Variants in PACRG observed in about 807,000 individuals in gnomAD.
The protein encoded by PACRG is parkin coregulated gene protein.
A neutral mutation model predicts 29.7 loss-of-function variants in PACRG; 29 were observed. The observed-to-expected ratio is 0.98, with a 90% CI of 0.73 to 1.33. The LOEUF is 1.33. PACRG is among the 40% of genes most tolerant of loss of function. The pLI is 0.00. For synonymous variants in PACRG, 116 were observed against 118.7 expected (o/e 0.98, Z 0.15); for missense variants, 279 against 316.2 (o/e 0.88, Z 0.89).
intron 2 of PACRG, among the ~76,000 whole-genome samples, chr6:163,024,853 G>A (rs375662621): frequency 1.8e-4 from 28 of 151,954 alleles, no homozygotes; most frequent in African/African-American, 6.3e-4. Flanking sequence ...TGAATCCAGC[G>A]GCACATCAAA....
intron 4 of PACRG, among the ~76,000 whole-genome samples, chr6:163,259,937 G>T: frequency 6.6e-6 from 1 of 152,176 alleles, no homozygotes. Flanking sequence ...AGCTGCTTCA[G>T]GCTAAGGTCC....
At chr6:163,142,220 A>AT (rs1460510229) in intron 4 of PACRG, among the ~76,000 whole-genome samples, 1 of 152,216 alleles carries the variant, frequency 6.6e-6, no homozygotes, top group Non-Finnish European at 1.5e-5. Context: ...GCAAACATTC[A>AT]TGAAATAGAT....
chr6:163,014,152 C>T (rs1805868103), intron 2 of PACRG, among the ~76,000 whole-genome samples: 2 of 152,090 alleles, frequency 1.3e-5, no homozygotes. Context: ...TAGTGGTCTC[C>T]AGCTGCATAG....
At chr6:162,768,435 T>C (rs1782966265) in intron 1 of PACRG, among the ~76,000 whole-genome samples, 1 of 152,122 alleles carries the variant, frequency 6.6e-6, no homozygotes, top group South Asian at 2.1e-4. Flanking sequence ...GGCATTGATT[T>C]CACTTATTGT....
intron 4 of PACRG, chr6:163,192,031 C>G: frequency 3.9e-6 from 1 of 255,430 alleles, no homozygotes; most frequent in Non-Finnish European, 7.8e-6. Flanking sequence ...CTGAATCACA[C>G]AAAGGATGTC....
chr6:163,248,069 T>C (rs1360388426), intron 4 of PACRG, among the ~76,000 whole-genome samples: 1 of 152,074 alleles, frequency 6.6e-6, no homozygotes, highest in East Asian at 1.9e-4. Flanking sequence ...TCCAAGAAAA[T>C]GCTACCTCCA....
At chr6:163,045,839 C>T (rs1001730000) in intron 2 of PACRG, among the ~76,000 whole-genome samples, 1 of 151,722 alleles carries the variant, frequency 6.6e-6, no homozygotes, top group African/African-American at 2.4e-5. Context: ...TGGTCTCGAT[C>T]TCTTGACCTC....
intron 3 of PACRG, among the ~76,000 whole-genome samples, chr6:163,088,304 A>C (rs1216920481): frequency 6.6e-6 from 1 of 152,166 alleles, no homozygotes; most frequent in Non-Finnish European, 1.5e-5. Context: ...AGAGCCTTTG[A>C]CTTCTTCTTG....
rs565572018 is a variant in PACRG, at chr6:162,868,649, G to C, written c.291+54368G>C. On this transcript the variant is annotated intron_variant, in intron 2 of 4. Transcript: ENST00000366888. ...TCACAGCCTAGGGCGCACCCGAGCC[G>C]CCAGAGCACAGCCTCCTTTCCGGCT... 4.6e-5 allele frequency among the ~76,000 whole-genome samples: 7 copies of C among 152,182 alleles called. No individual in the cohort carries two copies. In the South Asian group the frequency reaches 1.0e-3, roughly 23 times the overall value.
intron 4 of PACRG, among the ~76,000 whole-genome samples, chr6:163,177,710 A>AGTTTTTTTTTTTTTTTTTTTT (rs1779440417): frequency 1.9e-5 from 1 of 53,744 alleles, no homozygotes; most frequent in Non-Finnish European, 3.1e-5. Flanking sequence ...TAGAAAAGGG[A>AGTTTTTTTTTTTTTTTTTTTT]TTTTTTTTTT....
chr6:162,737,332 A>T (rs1780241417), intron 1 of PACRG, among the ~76,000 whole-genome samples: 2 of 152,172 alleles, frequency 1.3e-5, no homozygotes, highest in Non-Finnish European at 2.9e-5. Context: ...TAATCACTTG[A>T]AAGATTCCCA....
chr6:162,934,125 A>T (rs936651962), intron 2 of PACRG, among the ~76,000 whole-genome samples: 1 of 152,124 alleles, frequency 6.6e-6, no homozygotes, highest in Non-Finnish European at 1.5e-5. Context: ...ATAGCCAGGC[A>T]TGGTGGCACA....
intron 4 of PACRG, among the ~76,000 whole-genome samples, chr6:163,240,987 T>C (rs1173424454): frequency 6.6e-6 from 1 of 152,220 alleles, no homozygotes. Context: ...AATCGGACTT[T>C]TCTTACTAAT....
In PACRG at chr6:163,062,146, T is replaced by A; in HGVS notation, c.292-4T>A. 6.2e-7 allele frequency: 1 copy of A among 1,613,396 alleles called. No individual in the cohort carries two copies. The highest frequency in any genetic ancestry group is 1.1e-5 in the South Asian group (1 of 90,978). On this transcript the variant is annotated splice_polypyrimidine_tract_variant and splice_region_variant and intron_variant, in intron 2 of 4. Coordinates refer to ENST00000366888, the MANE Select transcript of PACRG (RefSeq NM_001080379.2). ...CATGGCGTCTCTTCTTTCTTTACTT[T>A]CAGGTAGAAATTGAGAAGCTGGATT...
intron 2 of PACRG, among the ~76,000 whole-genome samples, chr6:162,974,148 G>A (rs1801759815): frequency 6.6e-6 from 1 of 151,942 alleles, no homozygotes. Context: ...TGCATTGACG[G>A]GGCTCGCTCA....
intron 4 of PACRG, among the ~76,000 whole-genome samples, chr6:163,308,829 A>G (rs1215189769): frequency 1.3e-5 from 2 of 152,126 alleles, no homozygotes; most frequent in African/African-American, 4.8e-5. Flanking sequence ...CTCTCACCAC[A>G]GCGGATGACA....
chr6:163,046,234 C>T (rs1809360517), intron 2 of PACRG, among the ~76,000 whole-genome samples: 2 of 151,264 alleles, frequency 1.3e-5, no homozygotes, highest in African/African-American at 2.4e-5. Flanking sequence ...TCACAGGGCT[C>T]ATCAAAGTCC....
intron 4 of PACRG, among the ~76,000 whole-genome samples, chr6:163,205,028 G>T (rs11965622): frequency 2.6e-5 from 4 of 152,128 alleles, no homozygotes; most frequent in African/African-American, 9.7e-5. Context: ...AAAGATCTCT[G>T]CAGTGAGAAT....
chr6:162,946,160 G>T (rs930669714), intron 2 of PACRG, among the ~76,000 whole-genome samples: 1 of 151,598 alleles, frequency 6.6e-6, no homozygotes, highest in African/African-American at 2.4e-5. Flanking sequence ...ATAAAGGCCA[G>T]AGCAGAACTA....
Sources: allele counts gnomAD v4.1 joint callset (sites outside exome capture counted in the v4.1 genomes callset), GRCh38; gene constraint gnomAD v4.1.1; transcripts MANE v1.5; gene names NCBI Gene and HGNC (gene_info 2026-07-23, HGNC 2026-07-21).